The following ERC2 variants were observed in gnomAD, a reference collection of about 807,000 sequenced individuals.
The protein encoded by ERC2 is ERC protein 2.
In ERC2, 42 loss-of-function variants were observed where a neutral mutation model predicts 114.8. That is an observed-to-expected ratio of 0.37 (90% CI 0.29 to 0.47). The LOEUF (loss-of-function observed/expected upper bound fraction) is 0.47. ERC2 is among the 20% of genes least tolerant of loss of function. The pLI is 0.99. For synonymous variants in ERC2, 454 were observed against 425.5 expected (o/e 1.07, Z -0.82); for missense variants, 939 against 1,150.7 (o/e 0.82, Z 2.66).
intron 13 of ERC2, among the ~76,000 whole-genome samples, chr3:55,893,176 T>G (rs1308157477): frequency 1.3e-5 from 2 of 152,204 alleles, no homozygotes; most frequent in Non-Finnish European, 1.5e-5. Context: ...AATACATTTC[T>G]GTTATGTATA....
At chr3:55,531,006 C>A (rs1168868092) in intron 17 of ERC2, among the ~76,000 whole-genome samples, 1 of 152,198 alleles carries the variant, frequency 6.6e-6, no homozygotes, top group Non-Finnish European at 1.5e-5. Context: ...CAGGGAACCT[C>A]ATTATGTTGC....
chr3:56,321,674 T>C (rs148362764), intron 2 of ERC2, among the ~76,000 whole-genome samples: 25 of 152,352 alleles, frequency 1.6e-4, no homozygotes, highest in Non-Finnish European at 2.4e-4. Flanking sequence ...TCTGATCAGT[T>C]GAGCCTACGT....
intron 14 of ERC2, among the ~76,000 whole-genome samples, chr3:55,794,032 T>C (rs1415590321): frequency 1.3e-5 from 2 of 152,188 alleles, no homozygotes; most frequent in African/African-American, 4.8e-5. Context: ...TTTCACAATA[T>C]GGAAATAAAA....
intron 2 of ERC2, among the ~76,000 whole-genome samples, chr3:56,324,227 T>C (rs1560593703): frequency 6.6e-6 from 1 of 152,156 alleles, no homozygotes; most frequent in East Asian, 1.9e-4. Flanking sequence ...TCTGTGTTAG[T>C]TGTGACAGAG....
At chr3:56,017,180 C>T (rs2073366796) in intron 8 of ERC2, among the ~76,000 whole-genome samples, 1 of 152,118 alleles carries the variant, frequency 6.6e-6, no homozygotes, top group Admixed American at 6.5e-5. Context: ...CCTGAGAATT[C>T]CTAGAGAACT....
chr3:56,048,943 C>T (rs1468429142), intron 7 of ERC2, among the ~76,000 whole-genome samples: 1 of 152,190 alleles, frequency 6.6e-6, no homozygotes, highest in Non-Finnish European at 1.5e-5. Flanking sequence ...TCACGAAGAC[C>T]TCTTGGAGGA....
In ERC2 at chr3:56,010,404, T is replaced by A. The variant is rs763312750; in HGVS notation, c.1920+45A>T. 3 of 1,597,848 alleles carry A rather than the reference T, an allele frequency of 1.9e-6. No individual in the cohort carries two copies. The African/African-American group carries it at 4.0e-5, about 22-fold the overall frequency. On this transcript the variant is annotated intron_variant, in intron 9 of 17. Coordinates refer to ENST00000288221, the MANE Select transcript of ERC2 (RefSeq NM_015576.3). ...CTCTTGCAGCTTCATTGAATATGGG[T>A]TTATGAGGACTATCAATGTGGTTCA...
At position 56,273,432 on chromosome 3, in the gene ERC2, A is replaced by G. The variant is rs2053791620; in HGVS notation, c.1074+22587T>C. On this transcript the variant is annotated intron_variant, in intron 3 of 17. Transcript: ENST00000288221. ...CCATACCCAGCTAATTTTTGTAGAGACAGGGTTTTCCCATGTTGCCCAGGC... is the reference window on the plus strand; with the variant it reads ...CCATACCCAGCTAATTTTTGTAGAGGCAGGGTTTTCCCATGTTGCCCAGGC... Among the ~76,000 whole-genome samples the G allele has an allele frequency of 2.0e-5, 3 of 151,762 alleles. No individual in the cohort carries two copies. The South Asian group carries it at 6.3e-4, about 32-fold the overall frequency.
chr3:56,088,051 G>A (rs28654676), intron 6 of ERC2, among the ~76,000 whole-genome samples: 1 of 152,082 alleles, frequency 6.6e-6, no homozygotes, highest in Non-Finnish European at 1.5e-5. Flanking sequence ...GAAACGCTGT[G>A]TTTTCTTCAG....
intron 1 of ERC2, among the ~76,000 whole-genome samples, chr3:56,455,689 T>C (rs2063030827): frequency 1.3e-5 from 2 of 152,252 alleles, no homozygotes; most frequent in African/African-American, 4.8e-5. Flanking sequence ...ATACTTAATA[T>C]GATCTTCTTG....
chr3:56,356,801 T>C (rs2058762084), intron 2 of ERC2, among the ~76,000 whole-genome samples: 1 of 152,180 alleles, frequency 6.6e-6, no homozygotes, highest in African/African-American at 2.4e-5. Flanking sequence ...CAGATGATAC[T>C]CCAGGTACCA....
At chr3:56,139,453 G>T in intron 6 of ERC2, 56 bp downstream of exon 6, 2 of 1,544,454 alleles carry the variant, frequency 1.3e-6, no homozygotes, top group Non-Finnish European at 1.8e-6. Context: ...TTCAGGTAGG[G>T]CAATTTCTAT....
At chr3:55,615,895 A>C (rs889953364) in intron 17 of ERC2, among the ~76,000 whole-genome samples, 1 of 152,200 alleles carries the variant, frequency 6.6e-6, no homozygotes, top group African/African-American at 2.4e-5. Context: ...TTCGGGTAAG[A>C]GGCAGCTTAC....
intron 14 of ERC2, among the ~76,000 whole-genome samples, chr3:55,846,669 TTCTCTC>T (rs776618827): frequency 5.4e-5 from 7 of 128,924 alleles, no homozygotes; most frequent in Non-Finnish European, 9.6e-5. Context: ...TCCTTATTCA[TTCTCTC>T]TCTCTCTCTC....
intron 17 of ERC2, among the ~76,000 whole-genome samples, chr3:55,671,003 C>T (rs1375980593): frequency 3.3e-5 from 5 of 152,174 alleles, no homozygotes; most frequent in South Asian, 2.1e-4. Flanking sequence ...CAAGACCACA[C>T]GTGGCACACT....
chr3:55,757,656 G>A (rs1302277985), intron 14 of ERC2, among the ~76,000 whole-genome samples: 2 of 152,110 alleles, frequency 1.3e-5, no homozygotes, highest in East Asian at 1.9e-4. Flanking sequence ...TTAACACAGT[G>A]CTTGACACAT....
chr3:56,004,678 C>T (rs1359841750), intron 10 of ERC2, among the ~76,000 whole-genome samples: 2 of 151,938 alleles, frequency 1.3e-5, no homozygotes, highest in African/African-American at 4.8e-5. Flanking sequence ...CACACATCTA[C>T]AATGTTGTGT....
rs71096498 is a variant in ERC2, at chr3:55,729,837, C to CAAAAAAAAAAAAAAAAAAAAAAAAAAA, written c.2712+4907_2712+4933dup. 8.1e-5 allele frequency among the ~76,000 whole-genome samples: 5 copies of CAAAAAAAAAAAAAAAAAAAAAAAAAAA among 61,636 alleles called. 1 individual carries two copies. The highest frequency in any genetic ancestry group is 1.7e-4 in the African/African-American group (2 of 11,690). 40.4% of individuals were successfully genotyped at this position (61,636 alleles called of 152,430 possible). ...AGGGTAATGCAGTGAGACTCTATCG[C>CAAAAAAAAAAAAAAAAAAAAAAAAAAA]AAAAAAAAAAAAAAAAAAAAAAAAA... On this transcript the variant is annotated intron_variant, in intron 15 of 17. Coordinates refer to ENST00000288221, the MANE Select transcript of ERC2 (RefSeq NM_015576.3).
chr3:56,024,407 G>A (rs2073920599), intron 7 of ERC2, among the ~76,000 whole-genome samples: 2 of 152,184 alleles, frequency 1.3e-5, no homozygotes, highest in Admixed American at 1.3e-4. Context: ...CGAAAGAAGT[G>A]AGAAAGGAAG....
Sources: gnomAD v4.1 joint callset for allele counts (sites outside exome capture counted in the v4.1 genomes callset) on GRCh38, gnomAD v4.1.1 for gene constraint, MANE v1.5 for transcripts, NCBI Gene and HGNC (gene_info 2026-07-23, HGNC 2026-07-21) for gene names.